The following MAML2 variants were observed in gnomAD, a reference collection of about 807,000 sequenced individuals.
MAML2 encodes the protein mastermind like transcriptional coactivator 2, also known as mastermind-like protein 2.
In MAML2, 22 loss-of-function variants were observed where a neutral mutation model predicts 96.1. The observed-to-expected ratio is 0.23, with a 90% CI of 0.16 to 0.33. The LOEUF is 0.33. MAML2 is among the 10% of genes least tolerant of loss of function. The pLI, the probability that MAML2 is intolerant of heterozygous loss-of-function variation, is 1.00. For missense variants in MAML2, 1,367 were observed against 1,392.4 expected, an observed-to-expected ratio of 0.98 and a Z score of 0.29; for synonymous variants, 561 against 521.3, an observed-to-expected ratio of 1.08 and a Z score of -1.04.
At chr11:96,267,365 A>C (rs1862844255) in intron 1 of MAML2, among the ~76,000 whole-genome samples, 1 of 152,236 alleles carries the variant, frequency 6.6e-6, no homozygotes, top group Non-Finnish European at 1.5e-5. Flanking sequence ...AATTCGGCCA[A>C]CACAAACACA....
chr11:96,241,118 G>A (rs1418235892), intron 1 of MAML2, among the ~76,000 whole-genome samples: 1 of 152,180 alleles, frequency 6.6e-6, no homozygotes, highest in Non-Finnish European at 1.5e-5. Flanking sequence ...GCTGTTGTGA[G>A]GTAGAGTTTT....
At chr11:96,173,939 G>A (rs1006622978) in intron 1 of MAML2, among the ~76,000 whole-genome samples, 2 of 152,212 alleles carry the variant, frequency 1.3e-5, no homozygotes, top group African/African-American at 4.8e-5. Context: ...AGGACAAGGG[G>A]ACAGCAGGAA....
chr11:96,308,822 T>C (rs559364600), intron 1 of MAML2, among the ~76,000 whole-genome samples: 8 of 152,352 alleles, frequency 5.3e-5, no homozygotes, highest in African/African-American at 1.4e-4. Context: ...CTGGGGACCA[T>C]GTAGCTAACC....
intron 2 of MAML2, among the ~76,000 whole-genome samples, chr11:96,081,407 A>G (rs138022919): frequency 2.6e-5 from 4 of 152,312 alleles, no homozygotes; most frequent in African/African-American, 9.6e-5. Context: ...TCCCAGTGGA[A>G]GATGTCCATC....
intron 1 of MAML2, among the ~76,000 whole-genome samples, chr11:96,152,548 C>T (rs1028738650): frequency 2.0e-5 from 3 of 152,116 alleles, no homozygotes; most frequent in Non-Finnish European, 4.4e-5. Context: ...AGCGAGGGAC[C>T]GTGGGGGCTA....
At chr11:96,096,158 C>G (rs1859823530) in intron 1 of MAML2, among the ~76,000 whole-genome samples, 1 of 152,194 alleles carries the variant, frequency 6.6e-6, no homozygotes, top group African/African-American at 2.4e-5. Flanking sequence ...GGGTTATCAC[C>G]TTTGATTTAT....
intron 4 of MAML2, among the ~76,000 whole-genome samples, chr11:95,984,952 G>C (rs1243618013): frequency 6.6e-6 from 1 of 152,194 alleles, no homozygotes; most frequent in African/African-American, 2.4e-5. Context: ...GGAGGAGAGA[G>C]AATTTGGGGG....
At chr11:96,173,148 C>T (rs745536396) in intron 1 of MAML2, among the ~76,000 whole-genome samples, 5 of 152,102 alleles carry the variant, frequency 3.3e-5, no homozygotes, top group Admixed American at 6.5e-5. Flanking sequence ...CAGGGGCTGT[C>T]GGGGAGATGT....
chr11:96,032,893 G>A (rs1047334185), intron 2 of MAML2, among the ~76,000 whole-genome samples: 8 of 152,140 alleles, frequency 5.3e-5, no homozygotes, highest in African/African-American at 1.4e-4. Flanking sequence ...GGAAGAGGTT[G>A]AATACAAAGA....
At chr11:96,321,452 G>C (rs1322926147) in intron 1 of MAML2, among the ~76,000 whole-genome samples, 1 of 152,190 alleles carries the variant, frequency 6.6e-6, no homozygotes, top group African/African-American at 2.4e-5. Context: ...ATTCCTTCCA[G>C]AGACAAAAGA....
chr11:96,204,115 T>C (rs963502998), intron 1 of MAML2, among the ~76,000 whole-genome samples: 2 of 151,200 alleles, frequency 1.3e-5, no homozygotes, highest in Non-Finnish European at 2.9e-5. Flanking sequence ...GGAGAGAGAG[T>C]CCTGTGGGGC....
chr11:96,114,236 T>C (rs574354542), intron 1 of MAML2, among the ~76,000 whole-genome samples: 1 of 152,184 alleles, frequency 6.6e-6, no homozygotes, highest in South Asian at 2.1e-4. Context: ...TCATGTCTTC[T>C]GAGGGAAATC....
intron 1 of MAML2, among the ~76,000 whole-genome samples, chr11:96,259,354 A>G (rs928185006): frequency 6.6e-6 from 1 of 152,150 alleles, no homozygotes; most frequent in Non-Finnish European, 1.5e-5. Flanking sequence ...ACCGTAAGTC[A>G]TTCTTCCTCA....
In MAML2 at chr11:96,023,308, C is replaced by T. The variant is rs527322293; in HGVS notation, c.2140-31585G>A. On this transcript the variant is annotated intron_variant, in intron 2 of 4. Coordinates refer to ENST00000524717, the MANE Select transcript of MAML2 (RefSeq NM_032427.4). ...GCATTGTTGCCATATGATGGAGTCA[C>T]TGTTTGCATATTTTGTTGCTGGGTA... Among the ~76,000 whole-genome samples, 8 of 152,332 alleles carry T rather than the reference C, an allele frequency of 5.3e-5. 1 individual carries two copies. In the South Asian group the frequency reaches 1.7e-3, roughly 32 times the overall value.
At chr11:96,119,957 G>GTT (rs1565220739) in intron 1 of MAML2, among the ~76,000 whole-genome samples, 2 of 50,442 alleles carry the variant, frequency 4.0e-5, no homozygotes, top group South Asian at 9.9e-4. Context: ...AGAAGATTCA[G>GTT]ATTTTTTTTT....
intron 1 of MAML2, among the ~76,000 whole-genome samples, chr11:96,260,730 GA>G (rs1206066689): frequency 6.6e-6 from 1 of 150,852 alleles, no homozygotes; most frequent in African/African-American, 2.4e-5. Context: ...TGTGTGGGAG[GA>G]AAAATCCCTA....
intron 1 of MAML2, among the ~76,000 whole-genome samples, chr11:96,244,578 C>G (rs1382200585): frequency 1.3e-5 from 2 of 152,186 alleles, no homozygotes; most frequent in Non-Finnish European, 1.5e-5. Context: ...TTAATAATAG[C>G]TAACATTTCT....
chr11:96,278,507 GATT>G (rs1404665479), intron 1 of MAML2, among the ~76,000 whole-genome samples: 1 of 152,180 alleles, frequency 6.6e-6, no homozygotes, highest in Non-Finnish European at 1.5e-5. Context: ...TGCTATGATG[GATT>G]ATAAGACATT....
chr11:95,988,566 CATT>C (rs1857864678), intron 3 of MAML2, among the ~76,000 whole-genome samples: 1 of 147,254 alleles, frequency 6.8e-6, no homozygotes, highest in Non-Finnish European at 1.5e-5. Flanking sequence ...TATATATTTA[CATT>C]ATTATATATA....
Sources: allele counts gnomAD v4.1 joint callset (sites outside exome capture counted in the v4.1 genomes callset), GRCh38; gene constraint gnomAD v4.1.1; transcripts MANE v1.5; gene names NCBI Gene and HGNC (gene_info 2026-07-23, HGNC 2026-07-21).